PCDH15: variants seen among roughly 807,000 people sequenced by gnomAD.
PCDH15 encodes the protein protocadherin related 15.
In PCDH15, 129 loss-of-function variants were observed where a neutral mutation model predicts 178.5. The observed-to-expected ratio is 0.72, with a 90% CI of 0.63 to 0.84. The LOEUF (loss-of-function observed/expected upper bound fraction) is 0.84. Among genes scored for constraint, PCDH15 ranks in the 40% least tolerant of loss-of-function variants. The pLI is 0.00. For missense variants in PCDH15, 2,230 were observed against 2,099.9 expected (o/e 1.06, Z -1.21); for synonymous variants, 800 against 732.0 (o/e 1.09, Z -1.50).
chr10:53,907,008 A>G (rs1351837378), intron 25 of PCDH15: 1 of 152,178 alleles, frequency 6.6e-6, no homozygotes, highest in Non-Finnish European at 1.5e-5. Context: ...TGTAAAATAA[A>G]TGTTGGCCAG....
intron 2 of PCDH15, among the ~76,000 whole-genome samples, chr10:54,921,148 T>A (rs185793225): frequency 6.6e-5 from 10 of 152,246 alleles, no homozygotes; most frequent in Admixed American, 3.3e-4. Flanking sequence ...CCTAGAAGAG[T>A]TAAATTCTTG....
intron 1 of PCDH15, among the ~76,000 whole-genome samples, chr10:55,203,752 T>C (rs1476537225): frequency 1.3e-5 from 2 of 152,198 alleles, no homozygotes; most frequent in East Asian, 3.9e-4. Flanking sequence ...ATTCCTAATA[T>C]CCACTGGAGA....
chr10:54,783,208 G>GA (rs1165887406), intron 1 of PCDH15, among the ~76,000 whole-genome samples: 1 of 151,740 alleles, frequency 6.6e-6, no homozygotes, highest in South Asian at 2.1e-4. Context: ...AGAAAACACA[G>GA]AAAAAATGTT....
At chr10:54,179,745 A>G (rs889392217) in intron 13 of PCDH15, among the ~76,000 whole-genome samples, 1 of 152,160 alleles carries the variant, frequency 6.6e-6, no homozygotes, top group African/African-American at 2.4e-5. Flanking sequence ...TTAAATACAA[A>G]CATCTTAGAA....
rs79323446 is a variant in PCDH15, at chr10:54,207,460, T to C, written c.1098+6476A>G. ...TAATGGTAGTGTTGCTCTTCGGCAA[T>C]ATTTTTGCTTTGATTAAACTTAACT... On this transcript the variant is annotated intron_variant, in intron 10 of 37. Coordinates refer to ENST00000644397, the MANE Select transcript of PCDH15 (RefSeq NM_001384140.1). Among the ~76,000 whole-genome samples the C allele has an allele frequency of 1.4e-4, 21 of 152,130 alleles. No homozygotes were observed. In the East Asian group the frequency reaches 4.1e-3, roughly 29 times the overall value.
chr10:53,907,463 A>G (rs2082756156), intron 25 of PCDH15, among the ~76,000 whole-genome samples: 1 of 152,202 alleles, frequency 6.6e-6, no homozygotes, highest in African/African-American at 2.4e-5. Flanking sequence ...CAAGTATTGG[A>G]AAGAGAACCA....
chr10:54,944,945 T>A (rs1272365618), intron 2 of PCDH15, among the ~76,000 whole-genome samples: 1 of 151,878 alleles, frequency 6.6e-6, no homozygotes, highest in Non-Finnish European at 1.5e-5. Flanking sequence ...GTATTTACAC[T>A]GTAAGCAGTC....
chr10:54,053,914 T>G (rs913958525), intron 18 of PCDH15, among the ~76,000 whole-genome samples: 3 of 152,118 alleles, frequency 2.0e-5, no homozygotes, highest in Non-Finnish European at 4.4e-5. Flanking sequence ...AGCCTGATTA[T>G]GGTTGTTATG....
At chr10:53,998,140 C>T (rs1370651219) in intron 20 of PCDH15, among the ~76,000 whole-genome samples, 1 of 152,104 alleles carries the variant, frequency 6.6e-6, no homozygotes, top group Non-Finnish European at 1.5e-5. Flanking sequence ...TTTCTCTTGC[C>T]CATTATTCCA....
At chr10:54,426,003 A>G (rs965554091) in intron 3 of PCDH15, among the ~76,000 whole-genome samples, 70 of 152,166 alleles carry the variant, frequency 4.6e-4, no homozygotes, top group African/African-American at 1.6e-3. Context: ...TCTCTATCAG[A>G]GAAGATGATA....
chr10:54,378,200 C>T (rs572342051), intron 4 of PCDH15, among the ~76,000 whole-genome samples: 8 of 152,000 alleles, frequency 5.3e-5, no homozygotes, highest in Non-Finnish European at 1.0e-4. Flanking sequence ...GCTGGGATTA[C>T]AGGTATGAGC....
intron 33 of PCDH15, among the ~76,000 whole-genome samples, chr10:53,819,865 G>T (rs1350530374): frequency 6.6e-6 from 1 of 151,864 alleles, no homozygotes; most frequent in Non-Finnish European, 1.5e-5. Context: ...AATACAATGT[G>T]TCAGAAAAAG....
chr10:54,845,866 C>G (rs1564563469), intron 3 of PCDH15, among the ~76,000 whole-genome samples: 1 of 152,100 alleles, frequency 6.6e-6, no homozygotes. Context: ...AATTAACTTC[C>G]TAAATACTAG....
At chr10:55,205,516 G>C (rs1238302509) in intron 1 of PCDH15, among the ~76,000 whole-genome samples, 1 of 151,934 alleles carries the variant, frequency 6.6e-6, no homozygotes, top group East Asian at 1.9e-4. Context: ...TTAATAGTCT[G>C]TTGAAATATT....
chr10:55,164,079 C>T (rs533503819), intron 2 of PCDH15, among the ~76,000 whole-genome samples: 7 of 152,216 alleles, frequency 4.6e-5, no homozygotes, highest in South Asian at 2.1e-4. Flanking sequence ...CTGTTGTCAA[C>T]GGTGAGGCCA....
chr10:55,357,040 G>A (rs968413186), intron 2 of PCDH15, among the ~76,000 whole-genome samples: 12 of 152,068 alleles, frequency 7.9e-5, no homozygotes, highest in South Asian at 6.2e-4. Flanking sequence ...GAGAAAATAT[G>A]TGTAGAGAAA....
intron 18 of PCDH15, among the ~76,000 whole-genome samples, chr10:54,045,159 G>A (rs1337871652): frequency 6.6e-6 from 1 of 152,062 alleles, no homozygotes; most frequent in Non-Finnish European, 1.5e-5. Flanking sequence ...TTGATAAGAA[G>A]ACTAGATGGA....
intron 26 of PCDH15, among the ~76,000 whole-genome samples, chr10:53,871,739 TG>T (rs201085806): frequency 2.0e-5 from 3 of 151,646 alleles, no homozygotes; most frequent in East Asian, 1.9e-4. Flanking sequence ...TGTTTTGTTT[TG>T]TTTTGTTTTG....
intron 2 of PCDH15, among the ~76,000 whole-genome samples, chr10:54,556,602 A>G (rs2133279562): frequency 6.6e-6 from 1 of 152,094 alleles, no homozygotes; most frequent in Admixed American, 6.5e-5. Context: ...AAAACTGTTA[A>G]GAAAATATAC....
Sources: allele counts gnomAD v4.1 joint callset (sites outside exome capture counted in the v4.1 genomes callset), GRCh38; gene constraint gnomAD v4.1.1; transcripts MANE v1.5; gene names NCBI Gene and HGNC (gene_info 2026-07-23, HGNC 2026-07-21).